SLC35G1: variants seen among roughly 807,000 people sequenced by gnomAD.
SLC35G1 encodes the protein solute carrier family 35 member G1, also known as partner of STIM1.
In SLC35G1, 10 loss-of-function variants were observed where a neutral mutation model predicts 17.1. The observed-to-expected ratio is 0.59, with a 90% confidence interval of 0.36 to 0.99. The LOEUF is 0.99. Ranked by LOEUF, SLC35G1 falls within the 50% of genes least tolerant of loss-of-function variation. SLC35G1 has a pLI of 0.01. For synonymous variants in SLC35G1, 185 were observed against 181.1 expected (o/e 1.02, Z -0.18); for missense variants, 433 against 468.4 (o/e 0.92, Z 0.70).
chr10:93,900,731 TTTC>T lies in SLC35G1; in HGVS notation c.360-17_360-15del. 6.6e-7 allele frequency: 1 copy of T among 1,519,702 alleles called. No individual in the cohort carries two copies. The highest frequency in any genetic ancestry group is 8.8e-7 in the Non-Finnish European group (1 of 1,131,034). The allele number at this position is 1,519,702 out of a possible 1,614,324, so 94.1% of individuals were successfully genotyped here. A position where few individuals can be genotyped will look rare whatever the true frequency, so the allele number is the denominator to read the frequency against. On this transcript the variant is annotated intron_variant, in intron 2 of 2. Coordinates refer to ENST00000427197, the MANE Select transcript of SLC35G1 (RefSeq NM_001134658.3). Reference sequence around the variant, plus strand: ...AAATATTAATTTCATTTAATATGCATTTCTTCATTTGAATTTACAGAACTGGGT... The same window carrying T: ...AAATATTAATTTCATTTAATATGCATTTCATTTGAATTTACAGAACTGGGT...
At position 93,898,302 on chromosome 10, in the gene SLC35G1, TGTAA is replaced by T. The variant is rs1380350621; in HGVS notation, c.179-266_179-263del. On this transcript the variant is annotated intron_variant, in intron 1 of 2. Coordinates refer to ENST00000427197, the MANE Select transcript of SLC35G1 (RefSeq NM_001134658.3). ...TTGGCAAGCGTTCTACTTCTTGACT[TGTAA>T]GTGAGGATGATTCTTCAGTGAGCCA... Among the ~76,000 whole-genome samples the T allele has an allele frequency of 2.0e-5, 3 of 152,180 alleles. No individual in the cohort carries two copies. The East Asian group carries it at 5.8e-4, about 29-fold the overall frequency.
intron 1 of SLC35G1, among the ~76,000 whole-genome samples, chr10:93,896,576 G>C (rs1303380855): frequency 6.6e-6 from 1 of 152,204 alleles, no homozygotes; most frequent in Non-Finnish European, 1.5e-5. Flanking sequence ...GTAAGAAACT[G>C]AGGTTTGTCT....
chr10:93,907,168 C>T (rs2060434165), downstream of SLC35G1: 1 of 152,174 alleles, frequency 6.6e-6, no homozygotes, highest in South Asian at 2.1e-4. Context: ...CACTTGAGTC[C>T]AGGAGTTTAA....
At chr10:93,907,919 A>G (rs915718023), downstream of SLC35G1, 1 of 152,232 alleles carries the variant, frequency 6.6e-6, no homozygotes, top group African/African-American at 2.4e-5. Context: ...TATATACATT[A>G]TGTCATACAT....
Position 93,894,051 on chromosome 10 carries a change from C to A in SLC35G1, c.18C>A (p.Ser6Arg). The A allele has an allele frequency of 6.8e-7, 1 of 1,479,558 alleles. No individual in the cohort carries two copies. Among genetic ancestry groups the A allele is most frequent in the Non-Finnish European group, 8.9e-7 (1 of 1,123,470 alleles). The allele number at this position is 1,479,558 out of a possible 1,614,324, so 91.7% of individuals were successfully genotyped here. MRPQD[S>R]TGVAELQEPG... ...GCCGCGAGATGCGGCCTCAGGACAGCACCGGGGTCGCGGAGCTCCAGGAGC... is the reference window on the plus strand; with the variant it reads ...GCCGCGAGATGCGGCCTCAGGACAGAACCGGGGTCGCGGAGCTCCAGGAGC... The change falls in exon 1 of 3, where the codon AGC becomes AGA. Residue 6 changes from serine (S) to arginine (R), a missense_variant. Ser to Arg is a moderately radical substitution (Grantham distance 110, BLOSUM62 -1). Transcript: ENST00000427197.
chr10:93,908,324 G>T (rs1414460865), downstream of SLC35G1: 3 of 152,168 alleles, frequency 2.0e-5, no homozygotes, highest in Admixed American at 6.5e-5. Flanking sequence ...GGTTGAATGG[G>T]GTTACCTACC....
At position 93,902,500 on chromosome 10, in the gene SLC35G1, A is replaced by G. The variant is rs1401797881; in HGVS notation, c.*1010A>G. On this transcript the variant is annotated 3_prime_UTR_variant, in exon 3 of 3. Transcript: ENST00000427197. ...TTTAACTTAGAAAAACCATCGTTTC[A>G]TATGATTCACCCTAATAGATACCTC... is the stretch of plus-strand genomic sequence containing the variant. 2 of 152,614 alleles carry G rather than the reference A, an allele frequency of 1.3e-5. No homozygotes were observed. The highest frequency in any genetic ancestry group is 3.8e-4 in the East Asian group (2 of 5,206). The allele number at this position is 152,614 out of a possible 1,614,324, so 9.5% of individuals were successfully genotyped here. A position where few individuals can be genotyped will look rare whatever the true frequency, so the allele number is the denominator to read the frequency against.
At chr10:93,895,348 G>GA (rs2060319904) in intron 1 of SLC35G1, among the ~76,000 whole-genome samples, 2 of 152,190 alleles carry the variant, frequency 1.3e-5, no homozygotes, top group African/African-American at 4.8e-5. Flanking sequence ...CTAGAACAGG[G>GA]GTTATGCCAG....
At position 93,903,620 on chromosome 10, in the gene SLC35G1, T is replaced by G. The variant is rs1427076230; in HGVS notation, c.*2130T>G. 1 of 152,216 alleles carries G rather than the reference T, an allele frequency of 6.6e-6. No individual in the cohort carries two copies. Among genetic ancestry groups the G allele is most frequent in the East Asian group, 1.9e-4 (1 of 5,194 alleles). The allele number at this position is 152,216 out of a possible 1,614,324, so 9.4% of individuals were successfully genotyped here. A position where few individuals can be genotyped will look rare whatever the true frequency, so the allele number is the denominator to read the frequency against. ...GTTTAAGTACTTGAATGTCACACTA[T>G]ATAACTGAGGTTAGAGAAAATGTTT... On this transcript the variant is annotated 3_prime_UTR_variant, in exon 3 of 3. Coordinates refer to ENST00000427197, the MANE Select transcript of SLC35G1 (RefSeq NM_001134658.3).
At chr10:93,905,640 C>T (rs1462282586), downstream of SLC35G1, among the ~76,000 whole-genome samples, 1 of 152,094 alleles carries the variant, frequency 6.6e-6, no homozygotes, top group Non-Finnish European at 1.5e-5. Flanking sequence ...CAAGGGAGGG[C>T]AGTAAATGTA....
At chr10:93,898,885 T>G in intron 2 of SLC35G1, 134 bp downstream of exon 2, 1 of 831,128 alleles carries the variant, frequency 1.2e-6, no homozygotes, top group Admixed American at 3.3e-5. Flanking sequence ...CTCTGCTTAA[T>G]GAAAAGTCAT....
chr10:93,897,401 C>T (rs1292287056), intron 1 of SLC35G1, among the ~76,000 whole-genome samples: 2 of 152,132 alleles, frequency 1.3e-5, no homozygotes, highest in Non-Finnish European at 2.9e-5. Context: ...TTATAAAGTC[C>T]TAGATTGGAA....
At chr10:93,894,820 GAA>G (rs1308020894) in intron 1 of SLC35G1, among the ~76,000 whole-genome samples, 1 of 152,156 alleles carries the variant, frequency 6.6e-6, no homozygotes, top group Admixed American at 6.5e-5. Context: ...GACCCCTCGT[GAA>G]GAACACTTTA....
Position 93,900,603 on chromosome 10 carries a change from A to G in SLC35G1, c.360-149A>G, listed in dbSNP as rs755963631. On this transcript the variant is annotated intron_variant, in intron 2 of 2. Coordinates refer to ENST00000427197, the MANE Select transcript of SLC35G1 (RefSeq NM_001134658.3). ...AGAAAATACTATTTTTAAAAAGTAT[A>G]TAATATTCATTTGTGGATATTATAA... is the stretch of plus-strand genomic sequence containing the variant. The G allele has an allele frequency of 7.2e-5, 51 of 712,396 alleles. No homozygotes were observed. The Middle Eastern group carries it at 1.2e-3, about 17-fold the overall frequency. 44.1% of individuals were successfully genotyped at this position (712,396 alleles called of 1,614,324 possible).
downstream of SLC35G1, among the ~76,000 whole-genome samples, chr10:93,905,367 C>T (rs933742841): frequency 1.3e-5 from 2 of 151,968 alleles, no homozygotes; most frequent in African/African-American, 4.8e-5. Context: ...TGGACACTAC[C>T]CTAAGCATGC....
chr10:93,901,218 T>A lies in SLC35G1; in HGVS notation c.826T>A (p.Trp276Arg), dbSNP rs187391743. 3.7e-6 allele frequency: 6 copies of A among 1,613,988 alleles called. No individual in the cohort carries two copies. The East Asian group carries it at 1.3e-4, about 36-fold the overall frequency. Residue 276 changes from tryptophan (W) to arginine (R), a missense_variant, in exon 3 of 3, where the codon TGG becomes AGG. Trp to Arg is a moderately radical substitution (Grantham distance 101, BLOSUM62 -3). Transcript: ENST00000427197. The stretch of plus-strand genomic sequence containing the variant: ...CATCATCCTCTCTGTATTAGGAGAG[T>A]GGAGTCTGCCTTACTGTGGGTTGGA... ...SVIILSVLGE[W>R]SLPYCGLDRL...
exon 3 of SLC35G1, chr10:93,909,136 G>C (rs889702895): frequency 6.6e-6 from 1 of 152,140 alleles, no homozygotes; most frequent in Admixed American, 6.5e-5. Context: ...TATCCTTCAG[G>C]TGTCTGTCCT....
chr10:93,906,548 A>G (rs1249314439), downstream of SLC35G1, among the ~76,000 whole-genome samples: 1 of 152,244 alleles, frequency 6.6e-6, no homozygotes, highest in Non-Finnish European at 1.5e-5. Flanking sequence ...AGCCACTAAA[A>G]AAAAAATATA....
intron 1 of SLC35G1, among the ~76,000 whole-genome samples, chr10:93,896,116 G>T (rs2134064460): frequency 6.6e-6 from 1 of 151,964 alleles, no homozygotes; most frequent in South Asian, 2.1e-4. Flanking sequence ...TAAGTCTCCT[G>T]AGTAGCTGGG....
Sources: allele counts gnomAD v4.1 joint callset (sites outside exome capture counted in the v4.1 genomes callset), GRCh38; gene constraint gnomAD v4.1.1; transcripts MANE v1.5; gene names NCBI Gene and HGNC (gene_info 2026-07-23, HGNC 2026-07-21).